SLC36A4: variants seen among roughly 807,000 people sequenced by gnomAD.
The protein encoded by SLC36A4 is neutral amino acid uniporter 4.
A neutral mutation model predicts 50.5 loss-of-function variants in SLC36A4; 49 were observed. The observed-to-expected ratio is 0.97, with a 90% CI of 0.77 to 1.23. The LOEUF (loss-of-function observed/expected upper bound fraction) is 1.23, where lower values mean the gene tolerates loss of function less well. SLC36A4 is among the 50% of genes most tolerant of loss of function. The probability of loss-of-function intolerance (pLI) is 0.00; values close to 1 mark genes in which losing one functional copy is unlikely to be tolerated. For synonymous variants in SLC36A4, 207 were observed against 206.5 expected, an observed-to-expected ratio of 1.00 and a Z score of -0.02; for missense variants, 611 against 608.4, an observed-to-expected ratio of 1.00 and a Z score of -0.05.
intron 6 of SLC36A4, among the ~76,000 whole-genome samples, chr11:93,178,016 T>C (rs1482606639): frequency 6.6e-6 from 1 of 152,136 alleles, no homozygotes; most frequent in Non-Finnish European, 1.5e-5. Flanking sequence ...TGCGGTGGGC[T>C]CCACCCAGTT....
At chr11:93,177,458 G>A (rs570928480) in intron 6 of SLC36A4, among the ~76,000 whole-genome samples, 8 of 152,290 alleles carry the variant, frequency 5.3e-5, no homozygotes, top group African/African-American at 1.4e-4. Flanking sequence ...CTCTCAACTC[G>A]TCAAAGTCAT....
chr11:93,178,778 A>C (rs1861606791), intron 6 of SLC36A4, among the ~76,000 whole-genome samples: 1 of 152,194 alleles, frequency 6.6e-6, no homozygotes, highest in South Asian at 2.1e-4. Context: ...CCCTCTGAGA[A>C]CTGGAGCAAG....
At chr11:93,165,895 A>T in intron 8 of SLC36A4, 23 bp downstream of exon 8, 1 of 1,420,750 alleles carries the variant, frequency 7.0e-7, no homozygotes. Flanking sequence ...TTTAAAAAAT[A>T]ATAATAAAGA....
At chr11:93,167,923 T>G in intron 7 of SLC36A4, 21 bp downstream of exon 7, 1 of 1,522,526 alleles carries the variant, frequency 6.6e-7, no homozygotes, top group South Asian at 1.2e-5. Flanking sequence ...AAGAACTTAG[T>G]TAAAAACTTT....
Position 93,148,652 on chromosome 11 carries a change from C to CAA in SLC36A4, c.1399_1400insTT (p.Gly467ValfsTer5). Reference sequence around the variant, plus strand: ...AATTTCTTCAACAGTTATATATGTACCTAATAAGAAGCCAACAACTCCAGT... The same window carrying CAA: ...AATTTCTTCAACAGTTATATATGTACAACTAATAAGAAGCCAACAACTCCAGT... On this transcript the variant is annotated frameshift_variant, in exon 11 of 11. Transcript: ENST00000326402. LOFTEE classifies it high-confidence loss of function. The CAA allele has an allele frequency of 6.2e-7, 1 of 1,612,698 alleles. No homozygotes were observed. The highest frequency in any genetic ancestry group is 8.5e-7 in the Non-Finnish European group (1 of 1,179,208).
At chr11:93,183,653 A>G (rs16918625) in intron 3 of SLC36A4, among the ~76,000 whole-genome samples, 40,222 of 151,778 alleles carry the variant, frequency 0.27, 5,716 homozygotes, top group South Asian at 0.47. Flanking sequence ...AATGCTTTAC[A>G]TATTGGTTTT....
intron 1 of SLC36A4, 149 bp from the exon 2 acceptor site, chr11:93,185,963 T>A: frequency 1.7e-6 from 1 of 589,016 alleles, no homozygotes; most frequent in Non-Finnish European, 2.7e-6. Context: ...ACCCTGAGTT[T>A]TAGTACATTT....
rs138570602 is a variant in SLC36A4 at position 93,150,570 on chromosome 11, T to A, written c.1208-1726A>T. 4.3e-4 allele frequency among the ~76,000 whole-genome samples: 65 copies of A among 152,158 alleles called. No homozygotes were observed. In the East Asian group the frequency reaches 0.012, roughly 28 times the overall value. ...AAACGTAGCTTTACATCTATAGGGCTGAAGTGGCATAACCCTTTATAAATG... is the reference window on the plus strand; with the variant it reads ...AAACGTAGCTTTACATCTATAGGGCAGAAGTGGCATAACCCTTTATAAATG... On this transcript the variant is annotated intron_variant, in intron 10 of 10. Transcript: ENST00000326402.
chr11:93,160,253 A>G, intron 9 of SLC36A4: 2 of 985,438 alleles, frequency 2.0e-6, no homozygotes, highest in Non-Finnish European at 1.2e-6. Flanking sequence ...GCATATCTCC[A>G]CAGTGCAAAG....
At chr11:93,178,944 T>A (rs1472269306) in intron 6 of SLC36A4, among the ~76,000 whole-genome samples, 1 of 152,138 alleles carries the variant, frequency 6.6e-6, no homozygotes, top group Non-Finnish European at 1.5e-5. Context: ...TTCAAAACCC[T>A]AAGGTTACCA....
rs370696744 is a variant in SLC36A4 at position 93,146,960 on chromosome 11, A to T, written c.*1577T>A. Reference sequence around the variant, plus strand: ...TAAGCATGAATCCCTTTATGTTATGATTCTTGTATATATTTATTGTTGTTT... The same window carrying T: ...TAAGCATGAATCCCTTTATGTTATGTTTCTTGTATATATTTATTGTTGTTT... On this transcript the variant is annotated 3_prime_UTR_variant, in exon 11 of 11. Coordinates refer to ENST00000326402, the MANE Select transcript of SLC36A4 (RefSeq NM_152313.4). 1.3e-5 allele frequency: 2 copies of T among 151,982 alleles called. No homozygotes were observed. The highest frequency in any genetic ancestry group is 2.1e-4 in the South Asian group (1 of 4,828). 9.4% of individuals were successfully genotyped at this position (151,982 alleles called of 1,614,324 possible).
Position 93,144,514 on chromosome 11 carries a change from T to C in SLC36A4, c.*4023A>G, listed in dbSNP as rs1427135385. The C allele has an allele frequency of 6.6e-6, 1 of 152,104 alleles. No homozygotes were observed. Among genetic ancestry groups the C allele is most frequent in the Non-Finnish European group, 1.5e-5 (1 of 67,982 alleles). The allele number at this position is 152,104 out of a possible 1,614,324, so 9.4% of individuals were successfully genotyped here. A position where few individuals can be genotyped will look rare whatever the true frequency, so the allele number is the denominator to read the frequency against. On this transcript the variant is annotated 3_prime_UTR_variant, in exon 11 of 11. Transcript: ENST00000326402. ...ACTGATTTGTGTGTGTGTCTGCATA[T>C]ACTTGTGCACGCATGCATGTAGGAA...
chr11:93,177,814 G>A lies in SLC36A4; in HGVS notation c.540+2983C>T, dbSNP rs190098803. 1.7e-3 allele frequency among the ~76,000 whole-genome samples: 253 copies of A among 152,274 alleles called. 3 individuals are homozygous for A. In the East Asian group the frequency reaches 0.022, roughly 13 times the overall value. ...AGGCGTCTCCCAGTTAGGCTACTCCGGGGTCAGGGACCCACATGAGGAGGC... is the reference window on the plus strand; with the variant it reads ...AGGCGTCTCCCAGTTAGGCTACTCCAGGGTCAGGGACCCACATGAGGAGGC... On this transcript the variant is annotated intron_variant, in intron 6 of 10. Coordinates refer to ENST00000326402, the MANE Select transcript of SLC36A4 (RefSeq NM_152313.4).
intron 10 of SLC36A4, among the ~76,000 whole-genome samples, chr11:93,149,826 G>C (rs1438468026): frequency 6.6e-6 from 1 of 151,982 alleles, no homozygotes; most frequent in Non-Finnish European, 1.5e-5. Context: ...GTAGTTAATA[G>C]CATTGTATCC....
Position 93,148,346 on chromosome 11 carries a change from C to G in SLC36A4, c.*191G>C. The G allele has an allele frequency of 2.1e-6, 1 of 482,420 alleles. No individual in the cohort carries two copies. Among genetic ancestry groups the G allele is most frequent in the Non-Finnish European group, 3.6e-6 (1 of 280,564 alleles). The allele number at this position is 482,420 out of a possible 1,614,324, so 29.9% of individuals were successfully genotyped here. A position where few individuals can be genotyped will look rare whatever the true frequency, so the allele number is the denominator to read the frequency against. ...TTAATTTTTTGAACTATTGCTAACA[C>G]TTAAAAGCAAGGATTTTTCATAGGT... is the stretch of plus-strand genomic sequence containing the variant. On this transcript the variant is annotated 3_prime_UTR_variant, in exon 11 of 11. Coordinates refer to ENST00000326402, the MANE Select transcript of SLC36A4 (RefSeq NM_152313.4).
chr11:93,193,672 G>T (rs188414207), intron 1 of SLC36A4, among the ~76,000 whole-genome samples: 182 of 152,200 alleles, frequency 1.2e-3, no homozygotes, highest in Admixed American at 4.9e-3. Flanking sequence ...AAATTAGGCA[G>T]TGCTTGTATG....
At chr11:93,170,019 C>A (rs917439356) in intron 6 of SLC36A4, 2 of 151,942 alleles carry the variant, frequency 1.3e-5, no homozygotes, top group African/African-American at 4.8e-5. Context: ...AATTCTATCA[C>A]AAATATAGTA....
chr11:93,179,647 A>G (rs1160611040), intron 6 of SLC36A4, among the ~76,000 whole-genome samples: 7 of 152,128 alleles, frequency 4.6e-5, no homozygotes, highest in Non-Finnish European at 8.8e-5. Context: ...CTAGCTATGA[A>G]CTCTTTTATA....
chr11:93,180,233 T>C (rs1196063363), intron 6 of SLC36A4: 14 of 985,016 alleles, frequency 1.4e-5, no homozygotes, highest in Non-Finnish European at 1.4e-5. Context: ...TTTATTTCAT[T>C]GCTTTCCATA....
Sources: allele counts gnomAD v4.1 joint callset (sites outside exome capture counted in the v4.1 genomes callset), GRCh38; gene constraint gnomAD v4.1.1; transcripts MANE v1.5; gene names NCBI Gene and HGNC (gene_info 2026-07-23, HGNC 2026-07-21).